STK4: variants seen among roughly 807,000 people sequenced by gnomAD.
STK4 encodes serine/threonine-protein kinase 4.
STK4 carries 30 observed loss-of-function variants against 64.9 expected under a neutral mutation model. The observed-to-expected ratio is 0.46, with a 90% CI of 0.35 to 0.63. STK4 has a LOEUF of 0.63. STK4 is among the 20% of genes least tolerant of loss of function. The probability of loss-of-function intolerance (pLI) is 0.01; values close to 1 mark genes in which losing one functional copy is unlikely to be tolerated. For synonymous variants in STK4, 177 were observed against 199.0 expected, an observed-to-expected ratio of 0.89 and a Z score of 0.93; for missense variants, 466 against 598.5, an observed-to-expected ratio of 0.78 and a Z score of 2.31.
chr20:45,060,848 C>T (rs1978929913), intron 10 of STK4, among the ~76,000 whole-genome samples: 2 of 152,202 alleles, frequency 1.3e-5, no homozygotes, highest in African/African-American at 2.4e-5. Flanking sequence ...TCTTTTCTCT[C>T]CACAACTAGC....
chr20:45,010,558 G>A (rs1184317046), intron 9 of STK4, among the ~76,000 whole-genome samples: 4 of 152,164 alleles, frequency 2.6e-5, no homozygotes, highest in Admixed American at 6.5e-5. Context: ...TTTAATAGCA[G>A]TTGAAACCCA....
intron 3 of STK4, among the ~76,000 whole-genome samples, chr20:44,979,540 AAGTT>A (rs1208408423): frequency 2.0e-5 from 3 of 152,172 alleles, no homozygotes. Flanking sequence ...GACAAACACA[AAGTT>A]AGGGGCAATG....
chr20:45,054,559 C>CTTTT (rs776492833), intron 10 of STK4, among the ~76,000 whole-genome samples: 10 of 71,674 alleles, frequency 1.4e-4, no homozygotes, highest in African/African-American at 5.2e-4. Context: ...GACACCCTAT[C>CTTTT]TTTTTTTTTT....
intron 10 of STK4, among the ~76,000 whole-genome samples, chr20:45,040,111 T>C (rs894989331): frequency 4.0e-5 from 6 of 148,984 alleles, no homozygotes; most frequent in South Asian, 2.2e-4. Flanking sequence ...AGAAGGTTCA[T>C]AATATCTGGA....
chr20:45,000,628 AT>A, intron 8 of STK4, 108 bp downstream of exon 8: 4 of 1,482,986 alleles, frequency 2.7e-6, no homozygotes, highest in Non-Finnish European at 3.7e-6. Flanking sequence ...GGAGCTGGAG[AT>A]GCTTCCAGCA....
At position 44,988,237 on chromosome 20, in the gene STK4, G is replaced by A. The variant is rs149579177; in HGVS notation, c.525+941G>A. On this transcript the variant is annotated intron_variant, in intron 5 of 10. Coordinates refer to ENST00000372806, the MANE Select transcript of STK4 (RefSeq NM_006282.5). ...TCTATAAAATAATATAATATTGGCCGGGTGCAGTGGCTTATGCCTGTAATC... is the reference window on the plus strand; with the variant it reads ...TCTATAAAATAATATAATATTGGCCAGGTGCAGTGGCTTATGCCTGTAATC... Among the ~76,000 whole-genome samples the A allele has an allele frequency of 2.9e-3, 440 of 151,848 alleles. 5 individuals carry two copies. The highest frequency in any genetic ancestry group is 0.01 in the African/African-American group (418 of 41,406).
intron 10 of STK4, among the ~76,000 whole-genome samples, chr20:45,039,317 A>T (rs1293536794): frequency 6.6e-6 from 1 of 152,098 alleles, no homozygotes; most frequent in African/African-American, 2.4e-5. Flanking sequence ...ATTAAACAAT[A>T]TAAAAAAACC....
At chr20:45,008,558 G>A (rs765332603) in intron 9 of STK4, among the ~76,000 whole-genome samples, 1 of 152,138 alleles carries the variant, frequency 6.6e-6, no homozygotes, top group Non-Finnish European at 1.5e-5. Flanking sequence ...TTTCCTTTGG[G>A]TATATAGCCA....
At position 45,077,023 on chromosome 20, in the gene STK4, T is replaced by G. The variant is rs1980566967; in HGVS notation, c.*1847T>G. ...ACCTATTATATATCAGGCACTGAGC[T>G]GGGTAGGCTCTAAACTTCACAATAA... On this transcript the variant is annotated 3_prime_UTR_variant, in exon 11 of 11. Transcript: ENST00000372806. 6.6e-6 allele frequency: 1 copy of G among 152,230 alleles called. No homozygotes were observed. 9.4% of individuals were successfully genotyped at this position (152,230 alleles called of 1,614,324 possible). A position where few individuals can be genotyped will look rare whatever the true frequency, so the allele number is the denominator to read the frequency against.
chr20:45,025,171 A>G (rs973267667), intron 10 of STK4, 41 bp downstream of exon 10: 8 of 1,572,532 alleles, frequency 5.1e-6, no homozygotes, highest in Non-Finnish European at 6.0e-6. Context: ...CTTCAGGGGA[A>G]GTTATTTGAA....
chr20:45,017,302 C>G (rs775142595), intron 9 of STK4, among the ~76,000 whole-genome samples: 1 of 152,098 alleles, frequency 6.6e-6, no homozygotes, highest in Non-Finnish European at 1.5e-5. Flanking sequence ...TTACTCTAGG[C>G]GCTTCAAATA....
chr20:45,038,378 C>CA lies in STK4; in HGVS notation c.1305+13254dup, dbSNP rs369647728. Among the ~76,000 whole-genome samples, 841 of 151,842 alleles carry CA rather than the reference C, an allele frequency of 5.5e-3. 5 individuals are homozygous for CA. The highest frequency in any genetic ancestry group is 0.019 in the African/African-American group (773 of 41,444). Reference sequence around the variant, plus strand: ...TAGGAGTAATAAATTTCCTTAATGCCAAAAAATGCCTTGTTACTGTTTAGT... The same window carrying CA: ...TAGGAGTAATAAATTTCCTTAATGCCAAAAAAATGCCTTGTTACTGTTTAGT... On this transcript the variant is annotated intron_variant, in intron 10 of 10. Transcript: ENST00000372806.
chr20:45,042,004 C>T (rs780478938), intron 10 of STK4, among the ~76,000 whole-genome samples: 2 of 151,888 alleles, frequency 1.3e-5, no homozygotes, highest in African/African-American at 2.4e-5. Flanking sequence ...AATTTGAAGT[C>T]AGAAAAGAAA....
chr20:45,044,247 C>A (rs1357097897), intron 10 of STK4, among the ~76,000 whole-genome samples: 1 of 152,174 alleles, frequency 6.6e-6, no homozygotes, highest in Non-Finnish European at 1.5e-5. Context: ...CCAATAGATG[C>A]CGCCCTTTCA....
At chr20:45,006,107 T>G (rs1231513704) in intron 9 of STK4, among the ~76,000 whole-genome samples, 1 of 151,762 alleles carries the variant, frequency 6.6e-6, no homozygotes, top group African/African-American at 2.4e-5. Flanking sequence ...TAATTCTGCT[T>G]CTTCTGGCTC....
At chr20:44,996,556 T>G (rs1040767541) in intron 6 of STK4, among the ~76,000 whole-genome samples, 8 of 152,252 alleles carry the variant, frequency 5.3e-5, no homozygotes, top group African/African-American at 1.9e-4. Context: ...ATTTGTATAG[T>G]GTTTTACTTT....
chr20:45,001,895 T>C (rs2067848009), intron 9 of STK4, among the ~76,000 whole-genome samples: 1 of 152,232 alleles, frequency 6.6e-6, no homozygotes, highest in African/African-American at 2.4e-5. Context: ...TGACTAGGCC[T>C]AACATCTTGT....
At chr20:45,066,345 A>G (rs1006160272) in intron 10 of STK4, among the ~76,000 whole-genome samples, 7 of 152,216 alleles carry the variant, frequency 4.6e-5, no homozygotes, top group Non-Finnish European at 7.3e-5. Context: ...TTCATATTTT[A>G]TAAAATGTTA....
At chr20:45,007,013 GT>G (rs2067958974) in intron 9 of STK4, among the ~76,000 whole-genome samples, 1 of 152,028 alleles carries the variant, frequency 6.6e-6, no homozygotes, top group Admixed American at 6.5e-5. Flanking sequence ...GGAAGTTTTC[GT>G]TTTCTGGTTC....
Sources: allele counts gnomAD v4.1 joint callset (sites outside exome capture counted in the v4.1 genomes callset), GRCh38; gene constraint gnomAD v4.1.1; transcripts MANE v1.5; gene names NCBI Gene and HGNC (gene_info 2026-07-23, HGNC 2026-07-21).